Variants in CKAP2L observed in about 807,000 individuals in gnomAD.
The protein encoded by CKAP2L is cytoskeleton associated protein 2L, also known as cytoskeleton-associated protein 2-like.
CKAP2L carries 42 observed loss-of-function variants against 65.7 expected under a neutral mutation model. The observed-to-expected ratio is 0.64, with a 90% CI of 0.50 to 0.83. The LOEUF is 0.83. Ranked by LOEUF, CKAP2L falls within the 40% of genes least tolerant of loss-of-function variation. CKAP2L has a pLI of 0.00. For missense variants in CKAP2L, 908 were observed against 871.0 expected (o/e 1.04, Z -0.53); for synonymous variants, 325 against 313.5 (o/e 1.04, Z -0.39).
intron 7 of CKAP2L, chr2:112,742,491 G>A (rs1680042892): frequency 7.0e-6 from 5 of 718,270 alleles, no homozygotes; most frequent in East Asian, 2.7e-5. Flanking sequence ...GGCTGTTTTG[G>A]TGGAAACAAC....
chr2:112,736,980 G>A lies in CKAP2L; in HGVS notation c.*1843C>T, dbSNP rs1679289880. 1 of 151,834 alleles carries A rather than the reference G, an allele frequency of 6.6e-6. No homozygotes were observed. The highest frequency in any genetic ancestry group is 6.6e-5 in the Admixed American group (1 of 15,236). 9.4% of individuals were successfully genotyped at this position (151,834 alleles called of 1,614,324 possible). A position where few individuals can be genotyped will look rare whatever the true frequency, so the allele number is the denominator to read the frequency against. On this transcript the variant is annotated 3_prime_UTR_variant, in exon 9 of 9. Coordinates refer to ENST00000302450, the MANE Select transcript of CKAP2L (RefSeq NM_152515.5). ...CTTGCTCTGTAACCCAGGCTGGAGTGCAGTGACGCAATTTTGGCTCACTGC... is the reference window on the plus strand; with the variant it reads ...CTTGCTCTGTAACCCAGGCTGGAGTACAGTGACGCAATTTTGGCTCACTGC...
chr2:112,760,798 CAGA>C (rs776325275), intron 2 of CKAP2L, 34 bp from the exon 3 acceptor site: 2 of 1,110,572 alleles, frequency 1.8e-6, no homozygotes, highest in African/African-American at 3.2e-5. Flanking sequence ...ATCCTCAGCA[CAGA>C]AGGATTCTAA....
In CKAP2L at chr2:112,756,890, T is replaced by G. The variant is rs1231599405; in HGVS notation, c.481A>C (p.Lys161Gln). The change falls in exon 4 of 9, where the codon AAA (lysine) becomes CAA (glutamine). Residue 161 changes from lysine (K) to glutamine (Q), a missense_variant. Coordinates refer to ENST00000302450, the MANE Select transcript of CKAP2L (RefSeq NM_152515.5). ...KQQLTDQGNG[K>Q]CIDFMNNIHV... ...ATATTATTCATAAAGTCTATACATT[T>G]ACCATTTCCTTGATCTGTTAACTGC... 3 of 1,613,528 alleles carry G rather than the reference T, an allele frequency of 1.9e-6. No individual in the cohort carries two copies. The South Asian group carries it at 3.3e-5, about 18-fold the overall frequency.
intron 6 of CKAP2L, among the ~76,000 whole-genome samples, chr2:112,746,202 A>G (rs1247974136): frequency 6.6e-6 from 1 of 152,180 alleles, no homozygotes; most frequent in Non-Finnish European, 1.5e-5. Context: ...TCTAAATTTT[A>G]GAATTAAAAG....
chr2:112,741,201 C>G (rs928394203), intron 7 of CKAP2L, among the ~76,000 whole-genome samples, 194 bp from the exon 8 acceptor site: 2 of 152,112 alleles, frequency 1.3e-5, no homozygotes, highest in Admixed American at 6.5e-5. Flanking sequence ...CAGTGTCTTG[C>G]TACATCAGGC....
chr2:112,746,242 A>T (rs1680196250), intron 6 of CKAP2L, among the ~76,000 whole-genome samples, 178 bp downstream of exon 6: 1 of 152,134 alleles, frequency 6.6e-6, no homozygotes, highest in African/African-American at 2.4e-5. Context: ...TGAATTATTG[A>T]TTTAAGGATG....
chr2:112,743,571 G>A (rs1249715045), intron 6 of CKAP2L, among the ~76,000 whole-genome samples: 1 of 152,110 alleles, frequency 6.6e-6, no homozygotes, highest in Non-Finnish European at 1.5e-5. Context: ...CCGAAGAGCT[G>A]GGATTACAGG....
rs150416463 is a variant in CKAP2L, at chr2:112,738,029, C to G, written c.*794G>C. On this transcript the variant is annotated 3_prime_UTR_variant, in exon 9 of 9. Coordinates refer to ENST00000302450, the MANE Select transcript of CKAP2L (RefSeq NM_152515.5). ...GTTGCCCAGGAGGAAGAAAAAGCAA[C>G]CTACAACAGTCTCTGGGGCTTGCAC... is the stretch of plus-strand genomic sequence containing the variant. The G allele has an allele frequency of 3.9e-5, 6 of 152,104 alleles. No homozygotes were observed. Among genetic ancestry groups the G allele is most frequent in the African/African-American group, 1.4e-4 (6 of 41,426 alleles). 9.4% of individuals were successfully genotyped at this position (152,104 alleles called of 1,614,324 possible). A position where few individuals can be genotyped will look rare whatever the true frequency, so the allele number is the denominator to read the frequency against.
In CKAP2L at chr2:112,756,208, G is replaced by T; in HGVS notation, c.1163C>A (p.Ser388Ter). ...TATGCTAGGGGTGCTTGGAATGGCT[G>T]AATTAAATCTGCCAACTGTCAAATT... ...RPNLTVGRFN[S>*]AIPSTPSIRP... Residue 388 changes from serine to a stop codon, truncating the protein, a stop_gained, in exon 4 of 9, where the codon TCA becomes TAA. Coordinates refer to ENST00000302450, the MANE Select transcript of CKAP2L (RefSeq NM_152515.5). LOFTEE classifies it high-confidence loss of function. 1.2e-6 allele frequency: 2 copies of T among 1,614,182 alleles called. No individual in the cohort carries two copies. Among genetic ancestry groups the T allele is most frequent in the Non-Finnish European group, 1.7e-6 (2 of 1,180,024 alleles).
At position 112,759,875 on chromosome 2, in the gene CKAP2L, T is replaced by C. The variant is rs551114285; in HGVS notation, c.156+838A>G. ...TTTTTCACTTCAGGAAGCACTATTT[T>C]AGTTACATTTCAGAACACAGATAAA... On this transcript the variant is annotated intron_variant, in intron 3 of 8. Coordinates refer to ENST00000302450, the MANE Select transcript of CKAP2L (RefSeq NM_152515.5). 6.6e-5 allele frequency among the ~76,000 whole-genome samples: 10 copies of C among 152,216 alleles called. No homozygotes were observed. The East Asian group carries it at 1.7e-3, about 26-fold the overall frequency.
chr2:112,762,150 G>GTTTCTTGCC, intron 2 of CKAP2L, among the ~76,000 whole-genome samples: 2 of 152,284 alleles, frequency 1.3e-5, no homozygotes, highest in East Asian at 3.9e-4. Context: ...AGAAATGCCA[G>GTTTCTTGCC]AACCATGGTC....
At chr2:112,759,786 C>T (rs943355279) in intron 3 of CKAP2L, among the ~76,000 whole-genome samples, 2 of 152,202 alleles carry the variant, frequency 1.3e-5, no homozygotes, top group Non-Finnish European at 2.9e-5. Flanking sequence ...ATGCATATGA[C>T]TGAAATATGA....
chr2:112,740,566 C>T (rs895350629), intron 8 of CKAP2L, among the ~76,000 whole-genome samples: 10 of 152,178 alleles, frequency 6.6e-5, no homozygotes, highest in African/African-American at 2.4e-4. Flanking sequence ...ATCTTATCAC[C>T]CCAACCATAC....
At chr2:112,739,800 G>A (rs915249365) in intron 8 of CKAP2L, among the ~76,000 whole-genome samples, 2 of 152,112 alleles carry the variant, frequency 1.3e-5, no homozygotes, top group African/African-American at 4.8e-5. Context: ...GAGCACAAAC[G>A]TATGCCAGCA....
At chr2:112,742,314 T>C in intron 7 of CKAP2L, 1 of 707,358 alleles carries the variant, frequency 1.4e-6, no homozygotes, top group South Asian at 1.5e-5. Context: ...ATTCCTGAGA[T>C]AGCTATTTTT....
At position 112,762,484 on chromosome 2, in the gene CKAP2L, T is replaced by C; in HGVS notation, c.104+19A>G. ...AAGAAGGCAACAAAACTTGCGTAAC[T>C]GTGGACAGATAAACTCACTTGGTGT... On this transcript the variant is annotated intron_variant, in intron 2 of 8. Transcript: ENST00000302450. The C allele has an allele frequency of 1.2e-6, 2 of 1,607,116 alleles. No individual in the cohort carries two copies. The highest frequency in any genetic ancestry group is 1.1e-5 in the South Asian group (1 of 90,940).
chr2:112,741,536 G>A (rs1336776128), intron 7 of CKAP2L, among the ~76,000 whole-genome samples: 1 of 152,206 alleles, frequency 6.6e-6, no homozygotes, highest in African/African-American at 2.4e-5. Flanking sequence ...GACTGTGCCA[G>A]GCACACTGTG....
At chr2:112,751,561 C>T (rs75555647) in intron 5 of CKAP2L, among the ~76,000 whole-genome samples, 2,901 of 152,222 alleles carry the variant, frequency 0.019, 92 homozygotes, top group African/African-American at 0.066. Flanking sequence ...AACTCAAGTT[C>T]AATTCCACAA....
chr2:112,756,256 GA>G lies in CKAP2L; in HGVS notation c.1114del (p.Ser372GlnfsTer4). 1 of 1,614,084 alleles carries G rather than the reference GA, an allele frequency of 6.2e-7. No individual in the cohort carries two copies. The highest frequency in any genetic ancestry group is 8.5e-7 in the Non-Finnish European group (1 of 1,180,022). ...ATTAGGCCTCTGGCTTATGGCTTTT[GA>G]CTTTTGCAGTACACATGATGTCTGA... ...IPQTSCVLQK[S>X]KAISQRPNLT... On this transcript the variant is annotated frameshift_variant, in exon 4 of 9. Transcript: ENST00000302450. LOFTEE classifies it high-confidence loss of function.
Sources: gnomAD v4.1 joint callset for allele counts (sites outside exome capture counted in the v4.1 genomes callset) on GRCh38, gnomAD v4.1.1 for gene constraint, MANE v1.5 for transcripts, NCBI Gene and HGNC (gene_info 2026-07-23, HGNC 2026-07-21) for gene names.